The following DOCK3 variants were observed in gnomAD, a reference collection of about 807,000 sequenced individuals.
DOCK3 encodes dedicator of cytokinesis protein 3.
Under a neutral mutation model 265.6 loss-of-function variants are expected in DOCK3, and 60 were observed. The ratio of observed to expected loss-of-function variants is 0.23; its 90% CI spans 0.18 to 0.28. DOCK3 has a LOEUF of 0.28. DOCK3 is among the 10% of genes least tolerant of loss of function. DOCK3 has a pLI of 1.00. For synonymous variants in DOCK3, 881 were observed against 938.0 expected, an observed-to-expected ratio of 0.94 and a Z score of 1.11; for missense variants, 1,981 against 2,594.3, an observed-to-expected ratio of 0.76 and a Z score of 5.14.
intron 1 of DOCK3, among the ~76,000 whole-genome samples, chr3:50,704,786 C>T (rs999290000): frequency 5.9e-5 from 9 of 152,066 alleles, no homozygotes; most frequent in Non-Finnish European, 1.0e-4. Flanking sequence ...CCATGACGCT[C>T]AGCTAATTTT....
At chr3:50,760,479 C>T (rs2040456776) in intron 1 of DOCK3, among the ~76,000 whole-genome samples, 1 of 152,052 alleles carries the variant, frequency 6.6e-6, no homozygotes, top group South Asian at 2.1e-4. Context: ...TTTTCACTTT[C>T]AGTATAATAT....
chr3:51,203,502 G>A (rs2108047700), intron 12 of DOCK3, among the ~76,000 whole-genome samples: 1 of 152,248 alleles, frequency 6.6e-6, no homozygotes, highest in Middle Eastern at 3.4e-3. Context: ...CCACTGCTCA[G>A]TGAAATTAAA....
chr3:51,119,181 A>G (rs2083902075), intron 9 of DOCK3, among the ~76,000 whole-genome samples: 2 of 152,182 alleles, frequency 1.3e-5, no homozygotes, highest in East Asian at 3.9e-4. Flanking sequence ...ATCCCTCAAC[A>G]TTTGCTTGTC....
intron 5 of DOCK3, among the ~76,000 whole-genome samples, chr3:50,978,681 A>G (rs2077569133): frequency 1.3e-5 from 2 of 152,072 alleles, no homozygotes; most frequent in Admixed American, 6.6e-5. Context: ...ACCCAGTTGG[A>G]GCTTCTTGGC....
chr3:51,351,380 C>T (rs973043267), intron 40 of DOCK3, among the ~76,000 whole-genome samples: 2 of 152,176 alleles, frequency 1.3e-5, no homozygotes, highest in Non-Finnish European at 2.9e-5. Flanking sequence ...CTTGTTATCA[C>T]ATCAAAGGTC....
intron 21 of DOCK3, among the ~76,000 whole-genome samples, chr3:51,240,741 G>T (rs2078577640): frequency 6.6e-6 from 1 of 152,074 alleles, no homozygotes; most frequent in African/African-American, 2.4e-5. Context: ...TTGAAATCAG[G>T]ATTGCAACCC....
At chr3:51,060,593 G>A (rs981955958) in intron 5 of DOCK3, among the ~76,000 whole-genome samples, 1 of 152,146 alleles carries the variant, frequency 6.6e-6, no homozygotes, top group African/African-American at 2.4e-5. Context: ...AAGGGATCCA[G>A]TTTCAGCTTT....
At chr3:51,310,184 T>C in intron 27 of DOCK3, 48 bp from the exon 28 acceptor site, 1 of 1,464,834 alleles carries the variant, frequency 6.8e-7, no homozygotes, top group East Asian at 2.4e-5. Flanking sequence ...ATTGAGGAGA[T>C]GCATATTGTG....
At chr3:50,892,933 A>C (rs902097401) in intron 4 of DOCK3, among the ~76,000 whole-genome samples, 2 of 152,106 alleles carry the variant, frequency 1.3e-5, no homozygotes, top group Non-Finnish European at 2.9e-5. Context: ...ACATCCTGGA[A>C]TTTTAGAGTA....
Position 51,380,183 on chromosome 3 carries a change from C to T in DOCK3, c.5559C>T (p.Ala1853=), listed in dbSNP as rs2088508462. The T allele has an allele frequency of 6.2e-7, 1 of 1,613,302 alleles. No homozygotes were observed. Among genetic ancestry groups the T allele is most frequent in the South Asian group, 1.1e-5 (1 of 91,022 alleles). ...FHHPLGDTPP[A]LPARTLRKSP... is the part of the protein sequence containing the mutation. ...ACCCTCTGGGTGATACCCCCCCAGCCCTCCCTGCCCGGACCCTGCGCAAGG... is the reference window on the plus strand; with the variant it reads ...ACCCTCTGGGTGATACCCCCCCAGCTCTCCCTGCCCGGACCCTGCGCAAGG... Residue 1853 remains alanine, a synonymous_variant, in exon 52 of 53, where the codon GCC becomes GCT. Coordinates refer to ENST00000266037, the MANE Select transcript of DOCK3 (RefSeq NM_004947.5).
At chr3:51,063,200 T>C (rs1166946621) in intron 5 of DOCK3, among the ~76,000 whole-genome samples, 1 of 150,554 alleles carries the variant, frequency 6.6e-6, no homozygotes, top group African/African-American at 2.4e-5. Context: ...CTGGGCAACA[T>C]ATCAAGACTC....
intron 9 of DOCK3, among the ~76,000 whole-genome samples, chr3:51,093,875 G>A (rs1239363948): frequency 6.6e-6 from 1 of 152,172 alleles, no homozygotes; most frequent in African/African-American, 2.4e-5. Context: ...TTTTTAGCAT[G>A]AAGCAGTGTT....
Position 50,974,622 on chromosome 3 carries a change from G to A in DOCK3, c.315+40545G>A, listed in dbSNP as rs1180278850. ...GGCTTAGGATTGACTTGGCGATGCG[G>A]GCTCTTTTTTGGTTCCATATGAACT... On this transcript the variant is annotated intron_variant, in intron 5 of 52. Coordinates refer to ENST00000266037, the MANE Select transcript of DOCK3 (RefSeq NM_004947.5). Among the ~76,000 whole-genome samples, 18 of 142,742 alleles carry A rather than the reference G, an allele frequency of 1.3e-4. 1 individual carries two copies. The South Asian group carries it at 4.2e-3, about 33-fold the overall frequency. The allele number at this position is 142,742 out of a possible 152,430, so 93.6% of individuals were successfully genotyped here.
At chr3:50,714,945 C>G (rs1285677610) in intron 1 of DOCK3, among the ~76,000 whole-genome samples, 2 of 152,176 alleles carry the variant, frequency 1.3e-5, no homozygotes, top group Non-Finnish European at 2.9e-5. Context: ...TTCCTTGACC[C>G]CTAGACCAGG....
intron 4 of DOCK3, among the ~76,000 whole-genome samples, chr3:50,913,171 A>G (rs1436270732): frequency 4.6e-5 from 7 of 151,972 alleles, no homozygotes; most frequent in Non-Finnish European, 8.8e-5. Context: ...CAGGTGATCA[A>G]TTTATTTTGG....
At chr3:51,323,507 T>A (rs1342235691) in intron 32 of DOCK3, among the ~76,000 whole-genome samples, 4 of 151,680 alleles carry the variant, frequency 2.6e-5, no homozygotes, top group Non-Finnish European at 5.9e-5. Flanking sequence ...ACAAACAGTC[T>A]CTCAGACCAC....
intron 12 of DOCK3, among the ~76,000 whole-genome samples, chr3:51,206,717 A>G (rs1364120474): frequency 6.6e-6 from 1 of 152,182 alleles, no homozygotes; most frequent in African/African-American, 2.4e-5. Context: ...TTCGACCTCT[A>G]ACCTGTGATG....
chr3:51,132,328 C>A lies in DOCK3; in HGVS notation c.747-14221C>A, dbSNP rs553794784. On this transcript the variant is annotated intron_variant, in intron 9 of 52. Coordinates refer to ENST00000266037, the MANE Select transcript of DOCK3 (RefSeq NM_004947.5). Reference sequence around the variant, plus strand: ...GTTTATATAAATTAGAAAACTCAAGCAGTTCTTTTCAAGTGTAGCACACCT... The same window carrying A: ...GTTTATATAAATTAGAAAACTCAAGAAGTTCTTTTCAAGTGTAGCACACCT... Among the ~76,000 whole-genome samples, 9 of 152,264 alleles carry A rather than the reference C, an allele frequency of 5.9e-5. No individual in the cohort carries two copies. The South Asian group carries it at 1.9e-3, about 32-fold the overall frequency.
chr3:51,053,381 A>G (rs1307859313), intron 5 of DOCK3, among the ~76,000 whole-genome samples: 2 of 150,676 alleles, frequency 1.3e-5, no homozygotes, highest in East Asian at 3.9e-4. Context: ...CTACATACAT[A>G]CTTTTCCCTT....
Sources: allele counts gnomAD v4.1 joint callset (sites outside exome capture counted in the v4.1 genomes callset), GRCh38; gene constraint gnomAD v4.1.1; transcripts MANE v1.5; gene names NCBI Gene and HGNC (gene_info 2026-07-23, HGNC 2026-07-21).